Variants in PCYT1B observed in about 807,000 individuals in gnomAD.
PCYT1B encodes the protein phosphate cytidylyltransferase 1B, choline, also known as choline-phosphate cytidylyltransferase B.
Under a neutral mutation model 26.4 loss-of-function variants are expected in PCYT1B, and 10 were observed. The ratio of observed to expected loss-of-function variants is 0.38; its 90% confidence interval spans 0.23 to 0.64. PCYT1B has a LOEUF of 0.64. Among genes scored for constraint, PCYT1B ranks in the 30% least tolerant of loss-of-function variants. The pLI, the probability that PCYT1B is intolerant of heterozygous loss-of-function variation, is 0.56. For missense variants in PCYT1B, 161 were observed against 292.7 expected, an observed-to-expected ratio of 0.55 and a Z score of 3.28; for synonymous variants, 131 against 108.4, an observed-to-expected ratio of 1.21 and a Z score of -1.29.
chrX:24,631,145 A>C (rs1926076396), intron 1 of PCYT1B, among the ~76,000 whole-genome samples: 2 of 110,713 alleles, frequency 1.8e-5, no homozygotes, highest in Admixed American at 1.9e-4. Flanking sequence ...GATGGTCTTG[A>C]TCTCCTGACC....
At chrX:24,574,175 C>T (rs1923946202) in intron 7 of PCYT1B, among the ~76,000 whole-genome samples, 1 of 111,733 alleles carries the variant, frequency 8.9e-6, no homozygotes, top group African/African-American at 3.2e-5. Context: ...ATCCAGGCTA[C>T]TTAAAATCAG....
At chrX:24,610,927 G>T (rs1925288981) in intron 2 of PCYT1B, among the ~76,000 whole-genome samples, 2 of 112,269 alleles carry the variant, frequency 1.8e-5, no homozygotes, top group Non-Finnish European at 3.8e-5. Context: ...CTACTGTAAA[G>T]TATGGACATT....
rs149382220 is a variant in PCYT1B at position 24,641,993 on chromosome X, G to A, written c.117+4996C>T. On this transcript the variant is annotated intron_variant, in intron 1 of 7. Transcript: ENST00000379144. ...CAAATGCAGGGACTTTTCTTAACTTGGGGATTGGGTTAACAGAGTCCTCCC... is the reference window on the plus strand; with the variant it reads ...CAAATGCAGGGACTTTTCTTAACTTAGGGATTGGGTTAACAGAGTCCTCCC... Among the ~76,000 whole-genome samples the A allele has an allele frequency of 1.8e-3, 204 of 112,578 alleles. No homozygotes were observed. The East Asian group carries it at 0.044, about 24-fold the overall frequency.
Position 24,560,883 on chromosome X carries a change from C to A in PCYT1B, c.*1410G>T, listed in dbSNP as rs1309784856. On this transcript the variant is annotated 3_prime_UTR_variant, in exon 8 of 8. Coordinates refer to ENST00000379144, the MANE Select transcript of PCYT1B (RefSeq NM_004845.5). ...GTTTGGTTCTATGCCTTAACTCTCC[C>A]TGCTCATTTCGCACAGGTGACTAAG... The A allele has an allele frequency of 8.9e-6, 1 of 111,963 alleles. No individual in the cohort carries two copies. Among genetic ancestry groups the A allele is most frequent in the Non-Finnish European group, 1.9e-5 (1 of 53,196 alleles). 9.2% of individuals were successfully genotyped at this position (111,963 alleles called of 1,213,427 possible).
Position 24,562,207 on chromosome X carries a change from T to G in PCYT1B, c.*86A>C. 1 of 1,188,964 alleles carries G rather than the reference T, an allele frequency of 8.4e-7. No individual in the cohort carries two copies. ...GCTGAGCTGCAGCTCCTGTGACTATTACCCTTCAAACACCACCCAGGCAAC... is the reference window on the plus strand; with the variant it reads ...GCTGAGCTGCAGCTCCTGTGACTATGACCCTTCAAACACCACCCAGGCAAC... On this transcript the variant is annotated 3_prime_UTR_variant, in exon 8 of 8. Coordinates refer to ENST00000379144, the MANE Select transcript of PCYT1B (RefSeq NM_004845.5).
intron 3 of PCYT1B, among the ~76,000 whole-genome samples, chrX:24,604,578 T>G (rs1403269552): frequency 8.9e-6 from 1 of 111,746 alleles, no homozygotes; most frequent in Non-Finnish European, 1.9e-5. Context: ...GAAGTCTCAC[T>G]GTGTTGTGCA....
chrX:24,579,424 G>A lies in PCYT1B; in HGVS notation c.600C>T (p.Ile200=). ...MFVPTQRTEG[I]STSDIITRIV... is the part of the protein sequence containing the mutation. ...TTCTGGTAATGATGTCCGATGTTGA[G>A]ATGCCTTCTGTTCTCTGCGTTGGAA... The change falls in exon 6 of 8, where the codon ATC becomes ATT. Residue 200 remains isoleucine, a synonymous_variant. Transcript: ENST00000379144. 8.3e-7 allele frequency: 1 copy of A among 1,209,954 alleles called. No individual in the cohort carries two copies.
intron 3 of PCYT1B, among the ~76,000 whole-genome samples, chrX:24,597,186 G>A (rs984495676): frequency 9.3e-6 from 1 of 107,156 alleles, no homozygotes; most frequent in Non-Finnish European, 1.9e-5. Flanking sequence ...GTGCAGTGGC[G>A]TGATCTCGGC....
At chrX:24,578,539 G>T (rs1924097465) in intron 6 of PCYT1B, among the ~76,000 whole-genome samples, 1 of 112,249 alleles carries the variant, frequency 8.9e-6, no homozygotes, top group South Asian at 3.7e-4. Flanking sequence ...GAACAATATG[G>T]TAGAACTACA....
intron 1 of PCYT1B, among the ~76,000 whole-genome samples, chrX:24,637,888 C>T (rs1394154920): frequency 9.1e-6 from 1 of 109,554 alleles, no homozygotes; most frequent in African/African-American, 3.3e-5. Context: ...GACCACTAGC[C>T]TTGCATCCCA....
intron 3 of PCYT1B, among the ~76,000 whole-genome samples, chrX:24,593,912 A>G (rs777860057): frequency 1.9e-4 from 21 of 111,589 alleles, no homozygotes; most frequent in Non-Finnish European, 3.6e-4. Context: ...ATGCCTCTAT[A>G]TCTCCTATAC....
rs1241598857 is a variant in PCYT1B, at chrX:24,562,152, C to T, written c.*141G>A. 1 of 1,207,324 alleles carries T rather than the reference C, an allele frequency of 8.3e-7. No homozygotes were observed. The highest frequency in any genetic ancestry group is 1.1e-6 in the Non-Finnish European group (1 of 893,789). ...GAGTGAGAGAGAACTGGTCCCAAGA[C>T]CTTCCCTTAGCAGAGTTCAGGGTCT... On this transcript the variant is annotated 3_prime_UTR_variant, in exon 8 of 8. Transcript: ENST00000379144.
At chrX:24,603,958 C>G (rs1350501092) in intron 3 of PCYT1B, among the ~76,000 whole-genome samples, 1 of 111,478 alleles carries the variant, frequency 9.0e-6, no homozygotes, top group Non-Finnish European at 1.9e-5. Flanking sequence ...CAATGCCACT[C>G]TTGGGATTTG....
chrX:24,568,575 A>G (rs1047223801), intron 7 of PCYT1B, among the ~76,000 whole-genome samples: 19 of 110,746 alleles, frequency 1.7e-4, no homozygotes, highest in African/African-American at 5.9e-4. Context: ...TTTAAAAATG[A>G]AGTATGAACC....
chrX:24,575,042 G>T, intron 7 of PCYT1B, 88 bp downstream of exon 7: 1 of 737,100 alleles, frequency 1.4e-6, no homozygotes, highest in Non-Finnish European at 2.0e-6. Flanking sequence ...GTGGATCTGA[G>T]ATAAGGGGCA....
intron 1 of PCYT1B, among the ~76,000 whole-genome samples, chrX:24,644,852 G>A (rs900369948): frequency 8.9e-6 from 1 of 111,856 alleles, no homozygotes; most frequent in East Asian, 2.8e-4. Context: ...CTGAGGGCAG[G>A]AGTTCGAGAC....
chrX:24,561,964 G>C lies in PCYT1B; in HGVS notation c.*329C>G. On this transcript the variant is annotated 3_prime_UTR_variant, in exon 8 of 8. Transcript: ENST00000379144. ...TGCCACAGGTGGTTTACTTGGTGGG[G>C]GTGGTGGAAGGACCAAAGCAGAAGT... The C allele has an allele frequency of 1.5e-6, 1 of 645,939 alleles. No homozygotes were observed. The highest frequency in any genetic ancestry group is 2.6e-5 in the South Asian group (1 of 38,650). The allele number at this position is 645,939 out of a possible 1,213,427, so 53.2% of individuals were successfully genotyped here. A position where few individuals can be genotyped will look rare whatever the true frequency, so the allele number is the denominator to read the frequency against.
upstream of PCYT1B, among the ~76,000 whole-genome samples, chrX:24,648,478 G>A (rs2704815): frequency 3.1e-4 from 5 of 16,368 alleles, no homozygotes; most frequent in Admixed American, 1.9e-3. Context: ...TTTTTTTTGC[G>A]AAGGGCGAGG....
intron 1 of PCYT1B, among the ~76,000 whole-genome samples, chrX:24,644,449 T>TAC (rs201474505): frequency 0.068 from 6,459 of 95,240 alleles, 226 homozygotes; most frequent in African/African-American, 0.13. Context: ...ATGTGCATGA[T>TAC]ACACACACAC....
Sources: gnomAD v4.1 joint callset for allele counts (sites outside exome capture counted in the v4.1 genomes callset) on GRCh38, gnomAD v4.1.1 for gene constraint, MANE v1.5 for transcripts, NCBI Gene and HGNC (gene_info 2026-07-23, HGNC 2026-07-21) for gene names.